Variants in CCNL2 observed in about 807,000 individuals in gnomAD.
CCNL2 encodes cyclin L2, also known as cyclin-L2.
CCNL2 carries 28 observed loss-of-function variants against 59.1 expected under a neutral mutation model. The observed-to-expected ratio is 0.47, with a 90% CI of 0.35 to 0.65. CCNL2 has a LOEUF of 0.65. Among genes scored for constraint, CCNL2 ranks in the 30% least tolerant of loss-of-function variants. The pLI is 0.00. For synonymous variants in CCNL2, 342 were observed against 288.6 expected (o/e 1.19, Z -1.88); for missense variants, 714 against 717.4 (o/e 1.00, Z 0.05).
chr1:1,388,975 TGAGGCAGGAGAATCGCTTGAACCCGG>T (rs1644615594), intron 8 of CCNL2: 5 of 236,476 alleles, frequency 2.1e-5, no homozygotes, highest in South Asian at 2.1e-4. Flanking sequence ...CTTGGGAGGC[TGAGGCAGGAGAATCGCTTGAACCCGG>T]GAGGCAGAGG....
At chr1:1,398,428 C>A in intron 2 of CCNL2, 86 bp from the exon 3 acceptor site, 1 of 1,592,598 alleles carries the variant, frequency 6.3e-7, no homozygotes, top group Non-Finnish European at 8.5e-7. Flanking sequence ...GCTATTCAGA[C>A]CAAAAGGGAG....
intron 6 of CCNL2, 88 bp downstream of exon 6, chr1:1,390,678 T>C: frequency 6.7e-7 from 1 of 1,482,550 alleles, no homozygotes; most frequent in South Asian, 1.1e-5. Flanking sequence ...CAGATTAGAG[T>C]AATTTGAAGA....
At chr1:1,387,908 C>T in intron 9 of CCNL2, 39 bp from the exon 10 acceptor site, 1 of 1,613,528 alleles carries the variant, frequency 6.2e-7, no homozygotes, top group South Asian at 1.1e-5. Context: ...AGCAGAAGTC[C>T]CTCCAGCCAA....
In CCNL2 at chr1:1,388,045, T is replaced by C; in HGVS notation, c.1027A>G (p.Lys343Glu). ...GACAGTGGGGAAGGCTTGCTCCCTT[T>C]ACCTTCTTTGGGGGATTCCACTAGA... ...PKLVESPKEGKGSKPSPLSVK... is the reference protein window; with the variant it reads ...PKLVESPKEGEGSKPSPLSVK... The change falls in exon 9 of 11, where the codon AAA becomes GAA. Residue 343 changes from lysine (K) to glutamate (E), a missense_variant. Lys to Glu is a moderately conservative substitution (Grantham distance 56). This residue lies in a region of CCNL2 where 403 missense variants were observed against 377.7 expected (regional missense o/e 1.07). Transcript: ENST00000400809. 1 of 1,613,812 alleles carries C rather than the reference T, an allele frequency of 6.2e-7. No homozygotes were observed. Among genetic ancestry groups the C allele is most frequent in the Non-Finnish European group, 8.5e-7 (1 of 1,179,898 alleles).
chr1:1,391,816 C>T (rs544148791), intron 5 of CCNL2: 21 of 304,262 alleles, frequency 6.9e-5, no homozygotes, highest in Non-Finnish European at 1.3e-4. Context: ...CTTACACTAG[C>T]TTTATGAATA....
At chr1:1,387,753 C>T (rs1644532990) in intron 10 of CCNL2, 24 bp downstream of exon 10, 1 of 1,530,916 alleles carries the variant, frequency 6.5e-7, no homozygotes, top group East Asian at 2.3e-5. Context: ...TATCGGCCTC[C>T]TGGGTGCGCC....
At chr1:1,391,518 C>T (rs1644761700) in intron 5 of CCNL2, 1 of 1,303,530 alleles carries the variant, frequency 7.7e-7, no homozygotes, top group Admixed American at 2.3e-5. Flanking sequence ...CACCCAAGGG[C>T]AGGCCTCTTC....
intron 1 of CCNL2, 38 bp downstream of exon 1, chr1:1,398,981 C>A: frequency 6.4e-7 from 1 of 1,555,716 alleles, no homozygotes; most frequent in Non-Finnish European, 8.7e-7. Flanking sequence ...GCCGCCCCAG[C>A]GGTTACCTGG....
chr1:1,388,625 C>T lies in CCNL2; in HGVS notation c.1007-560G>A, dbSNP rs189515611. Reference sequence around the variant, plus strand: ...TAGACACACACTCACACACAAATTACCTGAGCGTGGTGGTGGGCGCCTGCA... The same window carrying T: ...TAGACACACACTCACACACAAATTATCTGAGCGTGGTGGTGGGCGCCTGCA... On this transcript the variant is annotated intron_variant, in intron 8 of 10. Coordinates refer to ENST00000400809, the MANE Select transcript of CCNL2 (RefSeq NM_030937.6). 2.0e-3 allele frequency: 816 copies of T among 412,136 alleles called. 10 individuals carry two copies. The highest frequency in any genetic ancestry group is 9.7e-3 in the South Asian group (543 of 56,116). The allele number at this position is 412,136 out of a possible 1,614,324, so 25.5% of individuals were successfully genotyped here.
chr1:1,391,686 A>G, intron 5 of CCNL2: 1 of 601,826 alleles, frequency 1.7e-6, no homozygotes. Context: ...TTTAACTTTC[A>G]TATTTAGAAG....
chr1:1,388,084 G>C lies in CCNL2; in HGVS notation c.1007-19C>G, dbSNP rs369333066. On this transcript the variant is annotated intron_variant, in intron 8 of 10. Coordinates refer to ENST00000400809, the MANE Select transcript of CCNL2 (RefSeq NM_030937.6). ...GATTCCACTAGAATCAGAACAAGAG[G>C]TTAAAAGCCAACCACAAAACACTCT... 1 of 1,592,426 alleles carries C rather than the reference G, an allele frequency of 6.3e-7. No homozygotes were observed. The highest frequency in any genetic ancestry group is 8.6e-7 in the Non-Finnish European group (1 of 1,160,914).
rs1185144617 is a variant in CCNL2 at position 1,385,998 on chromosome 1, C to T, written c.*1233G>A. ...CGTAACTCCCCGTTATCCCACTAGCCCCGGCCTATATGTCCCACTGCCCTA... is the reference window on the plus strand; with the variant it reads ...CGTAACTCCCCGTTATCCCACTAGCTCCGGCCTATATGTCCCACTGCCCTA... On this transcript the variant is annotated 3_prime_UTR_variant, in exon 11 of 11. Transcript: ENST00000400809. 2 of 152,192 alleles carry T rather than the reference C, an allele frequency of 1.3e-5. No individual in the cohort carries two copies. The highest frequency in any genetic ancestry group is 4.8e-5 in the African/African-American group (2 of 41,418). 9.4% of individuals were successfully genotyped at this position (152,192 alleles called of 1,614,324 possible).
intron 2 of CCNL2, 47 bp from the exon 3 acceptor site, chr1:1,398,389 G>A: frequency 6.2e-7 from 1 of 1,612,256 alleles, no homozygotes; most frequent in Non-Finnish European, 8.5e-7. Context: ...CCCAGCCACG[G>A]CGTCCTGACG....
At position 1,395,394 on chromosome 1, in the gene CCNL2, C is replaced by G. The variant is rs751787558; in HGVS notation, c.594G>C (p.Lys198Asn). Reference sequence around the variant, plus strand: ...CGCAGGGCAGGAGCCGCACACCCACCTTATGAGGATGCTTCACATGGACGC... The same window carrying G: ...CGCAGGGCAGGAGCCGCACACCCACGTTATGAGGATGCTTCACATGGACGC... Reference protein sequence around the residue: ...GFCVHVKHPHKIIVMYLQVLE... With the variant: ...GFCVHVKHPHNIIVMYLQVLE... The change falls in exon 4 of 11, where the codon AAG (lysine) becomes AAC (asparagine). Residue 198 changes from lysine (K) to asparagine (N), a missense_variant and splice_region_variant. By Grantham distance (94) the Lys-to-Asn change is moderately conservative (BLOSUM62 0). Coordinates refer to ENST00000400809, the MANE Select transcript of CCNL2 (RefSeq NM_030937.6). 6.2e-7 allele frequency: 1 copy of G among 1,614,152 alleles called. No individual in the cohort carries two copies. Among genetic ancestry groups the G allele is most frequent in the Non-Finnish European group, 8.5e-7 (1 of 1,180,004 alleles).
chr1:1,395,289 G>A (rs1377662526), intron 4 of CCNL2, 105 bp downstream of exon 4: 4 of 1,231,502 alleles, frequency 3.2e-6, no homozygotes, highest in Non-Finnish European at 4.5e-6. Context: ...AGTCAGGGAT[G>A]CACTCAGTCC....
chr1:1,394,125 C>CA (rs79948157), intron 4 of CCNL2, among the ~76,000 whole-genome samples: 1,814 of 88,602 alleles, frequency 0.02, 23 homozygotes, highest in African/African-American at 0.049. Flanking sequence ...ATTCCGTCTC[C>CA]AAAAAAAAAA....
At chr1:1,392,903 A>T (rs1644828323) in intron 5 of CCNL2, 16 of 1,204,274 alleles carry the variant, frequency 1.3e-5, no homozygotes, top group Non-Finnish European at 1.9e-5. Flanking sequence ...TGACCCTTAC[A>T]GACTTAACTC....
chr1:1,395,662 G>A (rs1336957442), intron 3 of CCNL2, 148 bp from the exon 4 acceptor site: 5 of 1,125,198 alleles, frequency 4.4e-6, no homozygotes, highest in East Asian at 2.4e-5. Context: ...GAACAAAACT[G>A]CACACCGCTC....
At chr1:1,393,891 CT>C (rs1644875281) in intron 4 of CCNL2, among the ~76,000 whole-genome samples, 1 of 152,204 alleles carries the variant, frequency 6.6e-6, no homozygotes, top group Non-Finnish European at 1.5e-5. Context: ...CTTTGGGAGG[CT>C]GAGGCGGGCA....
Sources: allele counts gnomAD v4.1 joint callset (sites outside exome capture counted in the v4.1 genomes callset), GRCh38; gene constraint gnomAD v4.1.1; regional missense constraint gnomAD v4.1.1; transcripts MANE v1.5; gene names NCBI Gene and HGNC (gene_info 2026-07-23, HGNC 2026-07-21).